Variants in TRPC4AP observed in about 807,000 individuals in gnomAD.
TRPC4AP encodes the protein transient receptor potential cation channel subfamily C member 4 associated protein, also known as short transient receptor potential channel 4-associated protein.
Under a neutral mutation model 99.0 loss-of-function variants are expected in TRPC4AP, and 45 were observed. The ratio of observed to expected loss-of-function variants is 0.45; its 90% CI spans 0.36 to 0.58. TRPC4AP has a LOEUF of 0.58. TRPC4AP is among the 20% of genes least tolerant of loss of function. The pLI, the probability that TRPC4AP is intolerant of heterozygous loss-of-function variation, is 0.00. For synonymous variants in TRPC4AP, 408 were observed against 385.8 expected, an observed-to-expected ratio of 1.06 and a Z score of -0.67; for missense variants, 879 against 985.3, an observed-to-expected ratio of 0.89 and a Z score of 1.44.
intron 5 of TRPC4AP, 78 bp from the exon 6 acceptor site, chr20:35,050,072 C>A (rs780587897): frequency 1.3e-6 from 2 of 1,492,554 alleles, no homozygotes; most frequent in Admixed American, 2.1e-5. Context: ...TTTACAGACA[C>A]TGAAAAGCAG....
At chr20:35,037,676 T>A (rs1024574385) in intron 7 of TRPC4AP, among the ~76,000 whole-genome samples, 2 of 152,228 alleles carry the variant, frequency 1.3e-5, no homozygotes, top group African/African-American at 4.8e-5. Context: ...ACATGCTATA[T>A]GATTCCATTT....
chr20:35,040,523 T>C (rs540388708), intron 7 of TRPC4AP, among the ~76,000 whole-genome samples: 12 of 152,346 alleles, frequency 7.9e-5, no homozygotes, highest in African/African-American at 2.4e-4. Context: ...TTAGCTTTCC[T>C]GGTTCTAAGT....
At chr20:35,056,757 A>T (rs963131571) in intron 4 of TRPC4AP, among the ~76,000 whole-genome samples, 1 of 152,048 alleles carries the variant, frequency 6.6e-6, no homozygotes, top group East Asian at 1.9e-4. Flanking sequence ...AGGTGGGCAG[A>T]TCACTTGAGG....
intron 7 of TRPC4AP, among the ~76,000 whole-genome samples, chr20:35,043,231 A>G (rs1373493449): frequency 6.6e-6 from 1 of 152,044 alleles, no homozygotes; most frequent in Non-Finnish European, 1.5e-5. Flanking sequence ...TATTACAAAT[A>G]ATGTTGCAAT....
intron 1 of TRPC4AP, among the ~76,000 whole-genome samples, chr20:35,079,393 A>AT (rs2084566804): frequency 2.0e-5 from 3 of 152,220 alleles, no homozygotes. Flanking sequence ...GAAAGCAGTA[A>AT]TAAGCCAGAA....
intron 9 of TRPC4AP, among the ~76,000 whole-genome samples, chr20:35,018,912 T>C (rs2082820964): frequency 6.6e-6 from 1 of 152,170 alleles, no homozygotes; most frequent in Non-Finnish European, 1.5e-5. Flanking sequence ...TGGGGGACGA[T>C]GGAGCTGTTG....
chr20:35,046,675 GGGGGCATT>G (rs1458613055), intron 6 of TRPC4AP, among the ~76,000 whole-genome samples: 4 of 152,102 alleles, frequency 2.6e-5, no homozygotes, highest in Non-Finnish European at 5.9e-5. Flanking sequence ...TTGCTGTGCA[GGGGGCATT>G]GGGGAACAAC....
intron 1 of TRPC4AP, among the ~76,000 whole-genome samples, chr20:35,085,098 G>A (rs1167461173): frequency 1.3e-5 from 2 of 152,170 alleles, no homozygotes; most frequent in Non-Finnish European, 2.9e-5. Flanking sequence ...TGGCTCTCCT[G>A]TTTCCTGGAT....
Position 35,005,676 on chromosome 20 carries a change from C to G in TRPC4AP, c.1936+19G>C, listed in dbSNP as rs1048723676. On this transcript the variant is annotated intron_variant, in intron 16 of 18. Transcript: ENST00000252015. ...TCTTACCCTGCATGACTTGCCTTGA[C>G]AGCCTGCCTTTCATGTACCTTTCAT... 3 of 1,610,552 alleles carry G rather than the reference C, an allele frequency of 1.9e-6. No individual in the cohort carries two copies. Among genetic ancestry groups the G allele is most frequent in the African/African-American group, 1.3e-5 (1 of 74,858 alleles).
At chr20:35,071,184 TG>T (rs1204691632) in intron 2 of TRPC4AP, among the ~76,000 whole-genome samples, 3 of 152,228 alleles carry the variant, frequency 2.0e-5, no homozygotes, top group Non-Finnish European at 4.4e-5. Context: ...TAACTTACTA[TG>T]TGATATAATA....
rs941682954 is a variant in TRPC4AP, at chr20:35,043,536, C to T, written c.865+969G>A. Among the ~76,000 whole-genome samples the T allele has an allele frequency of 2.2e-4, 33 of 152,198 alleles. 1 individual carries two copies. The highest frequency in any genetic ancestry group is 5.9e-5 in the Non-Finnish European group (4 of 68,036). ...TGCTGGGATTACAGGCGTTAAGCCA[C>T]CGTGCCTGGCCTCAGTGAATAATCT... On this transcript the variant is annotated intron_variant, in intron 7 of 18. Coordinates refer to ENST00000252015, the MANE Select transcript of TRPC4AP (RefSeq NM_015638.3).
Position 35,046,083 on chromosome 20 carries a change from A to G in TRPC4AP, c.658-1371T>C, listed in dbSNP as rs531017277. 2.0e-5 allele frequency among the ~76,000 whole-genome samples: 3 copies of G among 152,312 alleles called. No homozygotes were observed. In the East Asian group the frequency reaches 5.8e-4, roughly 29 times the overall value. ...TACACATGTATGTGACCATTTATCC[A>G]GAGTGAGAGCAAGAATTCTTGTCTT... On this transcript the variant is annotated intron_variant, in intron 6 of 18. Coordinates refer to ENST00000252015, the MANE Select transcript of TRPC4AP (RefSeq NM_015638.3).
chr20:35,035,368 A>G, intron 7 of TRPC4AP, 60 bp from the exon 8 acceptor site: 1 of 1,538,318 alleles, frequency 6.5e-7, no homozygotes, highest in Non-Finnish European at 8.8e-7. Flanking sequence ...AACTACCCCT[A>G]AAGCCCTAAC....
At chr20:35,084,680 G>A (rs561773082) in intron 1 of TRPC4AP, among the ~76,000 whole-genome samples, 1 of 137,470 alleles carries the variant, frequency 7.3e-6, no homozygotes, top group South Asian at 2.3e-4. Flanking sequence ...ATGTATATAT[G>A]TTTATATGCA....
At chr20:35,090,391 T>TTTTTTTC (rs2146055891) in intron 1 of TRPC4AP, among the ~76,000 whole-genome samples, 1 of 146,096 alleles carries the variant, frequency 6.8e-6, no homozygotes, top group Middle Eastern at 3.2e-3. Context: ...TTTTTTTTTT[T>TTTTTTTC]TTTGAGATGA....
At chr20:35,004,421 C>T (rs934980319) in intron 17 of TRPC4AP, 37 bp downstream of exon 17, 11 of 1,569,468 alleles carry the variant, frequency 7.0e-6, no homozygotes, top group South Asian at 3.4e-5. Flanking sequence ...GGTTTCCAAT[C>T]GACCTTCCCT....
intron 8 of TRPC4AP, among the ~76,000 whole-genome samples, chr20:35,022,953 G>A (rs1452035307): frequency 6.6e-6 from 1 of 151,944 alleles, no homozygotes; most frequent in South Asian, 2.1e-4. Flanking sequence ...AGCCTGGAAG[G>A]TGAAGGTTGC....
In TRPC4AP at chr20:35,086,567, GTGTGTGTGTA is replaced by G. The variant is rs1457723365; in HGVS notation, c.168+6037_168+6046del. 8.1e-4 allele frequency among the ~76,000 whole-genome samples: 100 copies of G among 123,404 alleles called. 8 individuals carry two copies. Among genetic ancestry groups the G allele is most frequent in the African/African-American group, 2.1e-3 (63 of 30,248 alleles). The allele number at this position is 123,404 out of a possible 152,430, so 81.0% of individuals were successfully genotyped here. A position where few individuals can be genotyped will look rare whatever the true frequency, so the allele number is the denominator to read the frequency against. On this transcript the variant is annotated intron_variant, in intron 1 of 18. Transcript: ENST00000252015. ...TGTGTGTGTGTGTGTGTGTGTGTGT[GTGTGTGTGTA>G]TATATATATGAATAAGACTTTATCC... is the stretch of plus-strand genomic sequence containing the variant.
At chr20:35,064,719 G>A (rs2084097821) in intron 3 of TRPC4AP, among the ~76,000 whole-genome samples, 1 of 152,098 alleles carries the variant, frequency 6.6e-6, no homozygotes, top group Admixed American at 6.6e-5. Flanking sequence ...GTATAATAGA[G>A]ACCTAAGGTC....
Sources: gnomAD v4.1 joint callset for allele counts (sites outside exome capture counted in the v4.1 genomes callset) on GRCh38, gnomAD v4.1.1 for gene constraint, MANE v1.5 for transcripts, NCBI Gene and HGNC (gene_info 2026-07-23, HGNC 2026-07-21) for gene names.